PIKFYVE: variants seen among roughly 807,000 people sequenced by gnomAD.
The protein encoded by PIKFYVE is phosphoinositide kinase, FYVE-type zinc finger containing.
Under a neutral mutation model 257.9 loss-of-function variants are expected in PIKFYVE, and 122 were observed. The observed-to-expected ratio is 0.47, with a 90% CI of 0.41 to 0.55. PIKFYVE has a LOEUF of 0.55. Ranked by LOEUF, PIKFYVE falls within the 20% of genes least tolerant of loss-of-function variation. The probability of loss-of-function intolerance (pLI) is 0.00; values close to 1 mark genes in which losing one functional copy is unlikely to be tolerated. For missense variants in PIKFYVE, 2,160 were observed against 2,536.6 expected (o/e 0.85, Z 3.19); for synonymous variants, 892 against 868.9 (o/e 1.03, Z -0.47).
chr2:208,299,524 GTGATCT>G (rs1559080299), intron 8 of PIKFYVE, among the ~76,000 whole-genome samples: 1 of 151,944 alleles, frequency 6.6e-6, no homozygotes, highest in Non-Finnish European at 1.5e-5. Flanking sequence ...TCCTGACCTC[GTGATCT>G]CCCTGCCTTG....
intron 12 of PIKFYVE, among the ~76,000 whole-genome samples, chr2:208,310,849 A>T (rs1338726261): frequency 6.6e-6 from 1 of 152,206 alleles, no homozygotes; most frequent in Admixed American, 6.5e-5. Flanking sequence ...TGTGGATTAA[A>T]AACATTTTGG....
intron 13 of PIKFYVE, among the ~76,000 whole-genome samples, chr2:208,313,155 C>T (rs1695110900): frequency 6.6e-6 from 1 of 152,076 alleles, no homozygotes; most frequent in African/African-American, 2.4e-5. Context: ...TAAGAGGGGA[C>T]AGGTTAGAGA....
At chr2:208,323,485 C>T (rs1479977579) in intron 17 of PIKFYVE, among the ~76,000 whole-genome samples, 2 of 152,110 alleles carry the variant, frequency 1.3e-5, no homozygotes, top group African/African-American at 4.8e-5. Context: ...GTGTATGTGC[C>T]ACATTTTCTT....
chr2:208,302,479 G>C, intron 10 of PIKFYVE, 126 bp downstream of exon 10: 2 of 980,066 alleles, frequency 2.0e-6, no homozygotes, highest in Non-Finnish European at 3.1e-6. Context: ...TGCTGTTTGA[G>C]GAAAGTTAAA....
intron 7 of PIKFYVE, among the ~76,000 whole-genome samples, chr2:208,293,795 T>G (rs1301285605): frequency 6.6e-6 from 1 of 151,940 alleles, no homozygotes; most frequent in Non-Finnish European, 1.5e-5. Context: ...GGATTACAGG[T>G]GTGAGCCACC....
At chr2:208,305,646 A>G (rs1436435621) in intron 12 of PIKFYVE, 2 of 305,562 alleles carry the variant, frequency 6.5e-6, no homozygotes, top group Non-Finnish European at 9.6e-6. Context: ...GTAAAAGGAG[A>G]AAGAGGTAAA....
intron 23 of PIKFYVE, among the ~76,000 whole-genome samples, chr2:208,331,781 A>T (rs1382039172): frequency 1.3e-5 from 2 of 152,206 alleles, no homozygotes; most frequent in African/African-American, 4.8e-5. Flanking sequence ...GGCAAAATCA[A>T]AGTTGCACCT....
chr2:208,267,248 T>TC (rs1688757917), intron 1 of PIKFYVE, among the ~76,000 whole-genome samples: 1 of 151,364 alleles, frequency 6.6e-6, no homozygotes, highest in Admixed American at 6.6e-5. Flanking sequence ...GAGCCCCTTT[T>TC]TTGGCACTCC....
rs1183845604 is a variant in PIKFYVE, at chr2:208,330,520, A to G, written c.3792-3A>G. On this transcript the variant is annotated splice_polypyrimidine_tract_variant and splice_region_variant and intron_variant, in intron 22 of 41. Transcript: ENST00000264380. Reference sequence around the variant, plus strand: ...GTGAGAAGGGCTCTTTTGTTTGTCAAAGGCCTTCTTATCAGTGTCCAAGCA... The same window carrying G: ...GTGAGAAGGGCTCTTTTGTTTGTCAGAGGCCTTCTTATCAGTGTCCAAGCA... 3 of 1,613,934 alleles carry G rather than the reference A, an allele frequency of 1.9e-6. No homozygotes were observed. Among genetic ancestry groups the G allele is most frequent in the East Asian group, 2.2e-5 (1 of 44,888 alleles).
intron 30 of PIKFYVE, 55 bp from the exon 31 acceptor site, chr2:208,339,956 A>G: frequency 6.3e-7 from 1 of 1,578,404 alleles, no homozygotes; most frequent in Non-Finnish European, 8.7e-7. Flanking sequence ...TCAGCAGTTT[A>G]TACTTCTTAT....
chr2:208,347,746 G>C lies in PIKFYVE; in HGVS notation c.5210-113G>C, dbSNP rs902802755. 4 of 902,326 alleles carry C rather than the reference G, an allele frequency of 4.4e-6. No homozygotes were observed. In the African/African-American group the frequency reaches 6.7e-5, roughly 15 times the overall value. 55.9% of individuals were successfully genotyped at this position (902,326 alleles called of 1,614,324 possible). On this transcript the variant is annotated intron_variant, in intron 34 of 41. Coordinates refer to ENST00000264380, the MANE Select transcript of PIKFYVE (RefSeq NM_015040.4). ...CAAACAAAAGTATTTGCATTACTCA[G>C]ATTGATTAGCTTCATATAGTGGTTA...
chr2:208,319,316 G>A lies in PIKFYVE; in HGVS notation c.2083-936G>A, dbSNP rs79591810. 8.1e-3 allele frequency among the ~76,000 whole-genome samples: 1,239 copies of A among 152,216 alleles called. 15 individuals are homozygous for A. The highest frequency in any genetic ancestry group is 0.028 in the African/African-American group (1,170 of 41,536). On this transcript the variant is annotated intron_variant, in intron 16 of 41. Transcript: ENST00000264380. ...TTGGCTTGAGTTTTGTACTTATCGCGTATTTTATTGCAATAATTCGACATC... is the reference window on the plus strand; with the variant it reads ...TTGGCTTGAGTTTTGTACTTATCGCATATTTTATTGCAATAATTCGACATC...
rs1696865784 is a variant in PIKFYVE, at chr2:208,325,822, T to G, written c.3011T>G (p.Val1004Gly). 6.2e-7 allele frequency: 1 copy of G among 1,613,954 alleles called. No homozygotes were observed. The change falls in exon 20 of 42, where the codon GTG becomes GGG. Residue 1004 changes from valine (V) to glycine (G), a missense_variant. Transcript: ENST00000264380. ...EQPETLQQTVVLQDPKSQIRA... is the reference protein window; with the variant it reads ...EQPETLQQTVGLQDPKSQIRA... ...CCAGAGACTTTGCAGCAAACAGTTGTGCTGCAGGATCCCAAAAGCCAGATA... is the reference window on the plus strand; with the variant it reads ...CCAGAGACTTTGCAGCAAACAGTTGGGCTGCAGGATCCCAAAAGCCAGATA...
chr2:208,267,707 A>G (rs565160933), intron 1 of PIKFYVE, among the ~76,000 whole-genome samples: 39 of 152,122 alleles, frequency 2.6e-4, no homozygotes, highest in African/African-American at 8.4e-4. Flanking sequence ...GGGTTTCACC[A>G]TGTTAGCGAA....
At chr2:208,323,273 A>G (rs1229299969) in intron 17 of PIKFYVE, among the ~76,000 whole-genome samples, 36 of 40,328 alleles carry the variant, frequency 8.9e-4, no homozygotes, top group African/African-American at 3.1e-3. Flanking sequence ...CCCCCACCCC[A>G]CAACAGTCCC....
intron 2 of PIKFYVE, among the ~76,000 whole-genome samples, chr2:208,271,924 T>A (rs1689467205): frequency 6.6e-6 from 1 of 152,152 alleles, no homozygotes; most frequent in Non-Finnish European, 1.5e-5. Context: ...TATTGGTAAC[T>A]AAAGGTCTGG....
At chr2:208,337,004 A>G in intron 28 of PIKFYVE, 76 bp downstream of exon 28, 1 of 1,126,294 alleles carries the variant, frequency 8.9e-7, no homozygotes, top group Non-Finnish European at 1.3e-6. Flanking sequence ...CTTAGCAGGG[A>G]TAGTTTAATA....
At chr2:208,289,819 C>T (rs999444525) in intron 7 of PIKFYVE, among the ~76,000 whole-genome samples, 4 of 152,100 alleles carry the variant, frequency 2.6e-5, no homozygotes, top group African/African-American at 4.8e-5. Context: ...CTTCCCACCT[C>T]GGACTCCTAA....
intron 8 of PIKFYVE, among the ~76,000 whole-genome samples, chr2:208,300,225 TGAACTG>T (rs1351885998): frequency 5.9e-5 from 9 of 152,218 alleles, no homozygotes; most frequent in Admixed American, 1.3e-4. Context: ...CTGAAGGACT[TGAACTG>T]GACCTTGAGA....
Sources: gnomAD v4.1 joint callset for allele counts (sites outside exome capture counted in the v4.1 genomes callset) on GRCh38, gnomAD v4.1.1 for gene constraint, MANE v1.5 for transcripts, NCBI Gene and HGNC (gene_info 2026-07-23, HGNC 2026-07-21) for gene names.